The following PRSS38 variants were observed in gnomAD, a reference collection of about 807,000 sequenced individuals.
PRSS38 encodes serine protease 38, also known as marapsin 2.
PRSS38 carries 22 observed loss-of-function variants against 26.8 expected under a neutral mutation model. The ratio of observed to expected loss-of-function variants is 0.82; its 90% CI spans 0.59 to 1.17. The LOEUF is 1.17. Ranked by LOEUF, PRSS38 falls within the 50% of genes most tolerant of loss-of-function variation. PRSS38 has a pLI of 0.00. For missense variants in PRSS38, 427 were observed against 422.7 expected (o/e 1.01, Z -0.09); for synonymous variants, 175 against 172.1 (o/e 1.02, Z -0.13).
chr1:227,846,387 G>C lies in PRSS38; in HGVS notation c.*179G>C, dbSNP rs567644393. The C allele has an allele frequency of 7.8e-5, 60 of 768,206 alleles. No individual in the cohort carries two copies. The Middle Eastern group carries it at 3.4e-3, about 44-fold the overall frequency. 47.6% of individuals were successfully genotyped at this position (768,206 alleles called of 1,614,324 possible). ...AAGTGTACAAAAGAAAAAAGGGAAG[G>C]GGGAGAGGGGCTGGTCAGGGAGAAC... On this transcript the variant is annotated 3_prime_UTR_variant, in exon 5 of 5. Transcript: ENST00000366757.
exon 4 of PRSS38, chr1:227,845,545 A>T (rs1168458818): frequency 1.2e-6 from 2 of 1,613,582 alleles, no homozygotes; most frequent in Non-Finnish European, 1.7e-6. Context: ...CTCTACGGAC[A>T]CATGTCCTAC....
At chr1:227,842,819 C>T (rs1467034976) in intron 3 of PRSS38, among the ~76,000 whole-genome samples, 1 of 152,108 alleles carries the variant, frequency 6.6e-6, no homozygotes, top group African/African-American at 2.4e-5. Flanking sequence ...TCAGGTGATC[C>T]ACCTGCCTCG....
chr1:227,817,251 A>C, exon 3 of PRSS38: 1 of 1,614,190 alleles, frequency 6.2e-7, no homozygotes, highest in Non-Finnish European at 8.5e-7. Flanking sequence ...TAGGCCTCGT[A>C]AACCTCAGGG....
intron 3 of PRSS38, among the ~76,000 whole-genome samples, chr1:227,829,420 T>C (rs1665120437): frequency 6.6e-6 from 1 of 152,210 alleles, no homozygotes; most frequent in Non-Finnish European, 1.5e-5. Flanking sequence ...ATTGGTCATT[T>C]GTATGTCTTC....
intron 3 of PRSS38, among the ~76,000 whole-genome samples, chr1:227,834,762 C>T (rs935682224): frequency 1.2e-4 from 18 of 145,340 alleles, no homozygotes; most frequent in African/African-American, 2.1e-4. Context: ...CTCAGCGGGT[C>T]GAGGCTGCAG....
chr1:227,819,125 T>C (rs1002480264), intron 3 of PRSS38, among the ~76,000 whole-genome samples: 12 of 152,216 alleles, frequency 7.9e-5, no homozygotes, highest in Non-Finnish European at 1.5e-4. Context: ...GCCAAAATTG[T>C]CTATTCTATT....
intron 3 of PRSS38, among the ~76,000 whole-genome samples, chr1:227,817,699 A>C (rs78437887): frequency 0.018 from 2,771 of 152,282 alleles, 93 homozygotes; most frequent in African/African-American, 0.063. Flanking sequence ...CTTTGATGTG[A>C]AGTTGGTATG....
chr1:227,841,399 G>A (rs529131233), intron 3 of PRSS38, among the ~76,000 whole-genome samples: 6 of 152,352 alleles, frequency 3.9e-5, no homozygotes, highest in African/African-American at 9.6e-5. Flanking sequence ...ATGTGACACC[G>A]CACCTCGATG....
intron 3 of PRSS38, among the ~76,000 whole-genome samples, chr1:227,821,848 C>T (rs1480059162): frequency 6.6e-6 from 1 of 152,076 alleles, no homozygotes; most frequent in African/African-American, 2.4e-5. Flanking sequence ...TTTGTTCAGT[C>T]TGAATTTGTA....
chr1:227,837,381 CT>C (rs1158817084), intron 3 of PRSS38, among the ~76,000 whole-genome samples: 10 of 152,196 alleles, frequency 6.6e-5, no homozygotes, highest in African/African-American at 2.4e-4. Flanking sequence ...TTTTCGCTGA[CT>C]ACTGTTTTTG....
rs1441539254 is a variant in PRSS38, at chr1:227,821,653, A to G, written c.583+4173A>G. ...TTTTTTCTTTTAGCACTTTAAGTAC[A>G]TCATAACACTGTCTTCTGATCTCCT... On this transcript the variant is annotated intron_variant, in intron 3 of 4. Coordinates refer to ENST00000366757, the Ensembl canonical transcript of PRSS38. Among the ~76,000 whole-genome samples, 6 of 152,198 alleles carry G rather than the reference A, an allele frequency of 3.9e-5. No individual in the cohort carries two copies. The East Asian group carries it at 7.7e-4, about 19-fold the overall frequency.
chr1:227,827,968 A>G (rs1665099543), intron 3 of PRSS38, among the ~76,000 whole-genome samples: 1 of 152,214 alleles, frequency 6.6e-6, no homozygotes, highest in African/African-American at 2.4e-5. Flanking sequence ...ATTCAAGAGC[A>G]GGTTGTTCAA....
chr1:227,838,654 G>T (rs920060967), intron 3 of PRSS38, among the ~76,000 whole-genome samples: 2 of 152,234 alleles, frequency 1.3e-5, no homozygotes, highest in East Asian at 3.9e-4. Context: ...ATTTGTCATG[G>T]TGCCAGGATG....
intron 3 of PRSS38, among the ~76,000 whole-genome samples, chr1:227,834,187 C>A (rs912092047): frequency 2.0e-5 from 3 of 152,126 alleles, no homozygotes; most frequent in Non-Finnish European, 2.9e-5. Context: ...GAGCCTGGCC[C>A]TTCTGACACC....
intron 3 of PRSS38, among the ~76,000 whole-genome samples, chr1:227,835,550 A>G (rs13375375): frequency 0.17 from 26,245 of 152,220 alleles, 4,292 homozygotes; most frequent in African/African-American, 0.43. Flanking sequence ...TCACGTAGCC[A>G]AAAGGTGGAA....
In PRSS38 at chr1:227,843,750, T is replaced by C. The variant is rs1665373558; in HGVS notation, c.584-1720T>C. 3.3e-5 allele frequency among the ~76,000 whole-genome samples: 5 copies of C among 151,432 alleles called. 1 individual carries two copies. The South Asian group carries it at 1.0e-3, about 32-fold the overall frequency. On this transcript the variant is annotated intron_variant, in intron 3 of 4. Transcript: ENST00000366757. ...CAAACAAAAAACCAACCAAGCACAG[T>C]GGCTCAGGCCTGTAATCCCAGCATT... is the stretch of plus-strand genomic sequence containing the variant.
intron 3 of PRSS38, among the ~76,000 whole-genome samples, chr1:227,827,244 T>C (rs1665086333): frequency 6.6e-6 from 1 of 152,216 alleles, no homozygotes; most frequent in Non-Finnish European, 1.5e-5. Flanking sequence ...TGTAATGGTT[T>C]CAGTAGAAAT....
In PRSS38 at chr1:227,815,761, C is replaced by G. The variant is rs761579068; in HGVS notation, c.45C>G (p.Ala15=). Residue 15 remains alanine (A), a synonymous_variant, in exon 1 of 5, where the codon GCC becomes GCG. Transcript: ENST00000366757. ...TCATGGGCCCACTCGGGCCCTCTGC[C>G]CTGGGCCTTCTGCTGCTGCTCCTGG... is the stretch of plus-strand genomic sequence containing the variant. 2.5e-6 allele frequency: 4 copies of G among 1,611,352 alleles called. No homozygotes were observed. In the South Asian group the frequency reaches 4.4e-5, roughly 18 times the overall value.
chr1:227,843,822 C>T (rs1011198341), intron 3 of PRSS38, among the ~76,000 whole-genome samples: 4 of 152,098 alleles, frequency 2.6e-5, no homozygotes, highest in Non-Finnish European at 4.4e-5. Flanking sequence ...GAGTTCAAGA[C>T]CAGCCTGGCC....
Sources: gnomAD v4.1 joint callset for allele counts (sites outside exome capture counted in the v4.1 genomes callset) on GRCh38, gnomAD v4.1.1 for gene constraint, MANE v1.5 for transcripts, NCBI Gene and HGNC (gene_info 2026-07-23, HGNC 2026-07-21) for gene names.